The following THSD7B variants were observed in gnomAD, a reference collection of about 807,000 sequenced individuals.
The protein encoded by THSD7B is thrombospondin type-1 domain-containing protein 7B.
Under a neutral mutation model 213.6 loss-of-function variants are expected in THSD7B, and 138 were observed. The ratio of observed to expected loss-of-function variants is 0.65; its 90% CI spans 0.56 to 0.74. THSD7B has a LOEUF of 0.74. Ranked by LOEUF, THSD7B falls within the 30% of genes least tolerant of loss-of-function variation. The probability of loss-of-function intolerance (pLI) is 0.00; values close to 1 mark genes in which losing one functional copy is unlikely to be tolerated. For synonymous variants in THSD7B, 742 were observed against 687.0 expected (o/e 1.08, Z -1.25); for missense variants, 1,931 against 1,991.5 (o/e 0.97, Z 0.58).
chr2:137,016,470 A>C (rs375606973), intron 2 of THSD7B, among the ~76,000 whole-genome samples: 13 of 152,288 alleles, frequency 8.5e-5, no homozygotes, highest in South Asian at 8.3e-4. Context: ...CTTCCTTAGT[A>C]AGTTGGACAA....
chr2:137,546,435 TTATATATATTATATATATATTATATATA>T (rs1680727765), intron 15 of THSD7B, among the ~76,000 whole-genome samples: 4 of 32,734 alleles, frequency 1.2e-4, no homozygotes, highest in African/African-American at 7.8e-4. Context: ...TATATATATA[TTATATATATTATATATATATTATATATA>T]ATATATATAT....
intron 5 of THSD7B, among the ~76,000 whole-genome samples, chr2:137,125,078 A>G (rs1248094808): frequency 6.6e-6 from 1 of 152,166 alleles, no homozygotes; most frequent in African/African-American, 2.4e-5. Context: ...TTCTATTTGA[A>G]TAATCTATGG....
At chr2:137,113,976 G>C (rs1424880364) in intron 4 of THSD7B, among the ~76,000 whole-genome samples, 3 of 152,114 alleles carry the variant, frequency 2.0e-5, no homozygotes, top group East Asian at 1.9e-4. Flanking sequence ...TAGCTTTCAG[G>C]CTTTTTAGAA....
Position 137,118,914 on chromosome 2 carries a change from A to C in THSD7B, c.1369+3621A>C, listed in dbSNP as rs1688492230. 1.3e-5 allele frequency among the ~76,000 whole-genome samples: 2 copies of C among 152,176 alleles called. 1 individual carries two copies. Among genetic ancestry groups the C allele is most frequent in the South Asian group, 4.1e-4 (2 of 4,830 alleles). ...GTGGCAGCAGACAAGAAAGAATGAG[A>C]GCCAAGCAAAAGGAGTGTCCCCTTA... On this transcript the variant is annotated intron_variant, in intron 5 of 27. Coordinates refer to ENST00000409968, the MANE Select transcript of THSD7B (RefSeq NM_001316349.2).
intron 5 of THSD7B, among the ~76,000 whole-genome samples, chr2:137,132,419 AT>A (rs1417721735): frequency 6.6e-6 from 1 of 151,330 alleles, no homozygotes; most frequent in Non-Finnish European, 1.5e-5. Context: ...GGGAATGTTT[AT>A]TTTTAATAGG....
intron 12 of THSD7B, among the ~76,000 whole-genome samples, chr2:137,387,975 A>T (rs182623488): frequency 2.6e-5 from 4 of 152,316 alleles, no homozygotes; most frequent in African/African-American, 9.6e-5. Flanking sequence ...ATATGTGTGT[A>T]TATACGCACA....
intron 5 of THSD7B, among the ~76,000 whole-genome samples, chr2:137,137,281 A>G (rs1041828502): frequency 1.8e-4 from 28 of 151,884 alleles, no homozygotes; most frequent in Admixed American, 2.6e-4. Flanking sequence ...AACTCATTCC[A>G]CTTCCAGTCC....
chr2:137,549,110 G>T (rs1680793331), intron 15 of THSD7B, among the ~76,000 whole-genome samples: 1 of 151,874 alleles, frequency 6.6e-6, no homozygotes, highest in Non-Finnish European at 1.5e-5. Flanking sequence ...CAAGCCTGGG[G>T]CTTAAACTCA....
chr2:137,608,376 T>C (rs1573740573), intron 17 of THSD7B, among the ~76,000 whole-genome samples: 1 of 151,490 alleles, frequency 6.6e-6, no homozygotes, highest in South Asian at 2.1e-4. Context: ...TTTTTTTTTT[T>C]AACCAGTTAT....
At chr2:137,071,622 A>G (rs1388011574) in intron 3 of THSD7B, among the ~76,000 whole-genome samples, 1 of 152,176 alleles carries the variant, frequency 6.6e-6, no homozygotes, top group Non-Finnish European at 1.5e-5. Flanking sequence ...TTAGACATGA[A>G]GTCCTTGCCT....
chr2:137,490,820 A>G (rs1315179001), intron 15 of THSD7B, among the ~76,000 whole-genome samples: 1 of 152,246 alleles, frequency 6.6e-6, no homozygotes, highest in African/African-American at 2.4e-5. Flanking sequence ...TTGTCCAAAA[A>G]AATCTTTGCA....
chr2:137,408,492 G>A (rs1686578657), intron 13 of THSD7B, among the ~76,000 whole-genome samples: 3 of 152,112 alleles, frequency 2.0e-5, no homozygotes, highest in East Asian at 3.9e-4. Flanking sequence ...TTGGAGATAC[G>A]GTGAGATTTT....
chr2:137,189,484 T>A (rs917067986), intron 7 of THSD7B, among the ~76,000 whole-genome samples: 2 of 151,948 alleles, frequency 1.3e-5, no homozygotes, highest in African/African-American at 4.8e-5. Context: ...AGCCACAAGG[T>A]CAACGTCACC....
intron 1 of THSD7B, among the ~76,000 whole-genome samples, chr2:136,837,975 T>G (rs778187): frequency 6.6e-6 from 1 of 152,130 alleles, no homozygotes; most frequent in Non-Finnish European, 1.5e-5. Context: ...TTACTAACTT[T>G]GTGATTTTTG....
At chr2:137,300,021 A>G (rs1326620536) in intron 12 of THSD7B, among the ~76,000 whole-genome samples, 4 of 152,152 alleles carry the variant, frequency 2.6e-5, no homozygotes, top group Non-Finnish European at 5.9e-5. Flanking sequence ...CTTGATGAAA[A>G]TATTTTGTCT....
At chr2:137,189,662 C>T (rs1427281417) in intron 7 of THSD7B, among the ~76,000 whole-genome samples, 1 of 151,904 alleles carries the variant, frequency 6.6e-6, no homozygotes, top group Non-Finnish European at 1.5e-5. Flanking sequence ...CTCTACTTGC[C>T]ATGGTACCAT....
At chr2:136,856,452 C>T (rs924159933) in intron 1 of THSD7B, among the ~76,000 whole-genome samples, 2 of 151,904 alleles carry the variant, frequency 1.3e-5, no homozygotes, top group Non-Finnish European at 2.9e-5. Context: ...ACTAAATTCT[C>T]TCTTGAACTT....
chr2:137,489,517 A>G (rs1161234670), intron 15 of THSD7B, among the ~76,000 whole-genome samples: 1 of 152,226 alleles, frequency 6.6e-6, no homozygotes, highest in East Asian at 1.9e-4. Flanking sequence ...ATGTTTGCCA[A>G]TTTAGTCTTA....
At chr2:137,038,601 T>C (rs1306273596) in intron 2 of THSD7B, among the ~76,000 whole-genome samples, 1 of 152,182 alleles carries the variant, frequency 6.6e-6, no homozygotes, top group African/African-American at 2.4e-5. Flanking sequence ...TGTGTTTCTG[T>C]GGGGAAGATA....
Sources: gnomAD v4.1 joint callset for allele counts (sites outside exome capture counted in the v4.1 genomes callset) on GRCh38, gnomAD v4.1.1 for gene constraint, MANE v1.5 for transcripts, NCBI Gene and HGNC (gene_info 2026-07-23, HGNC 2026-07-21) for gene names.